The following MTERF1 variants were observed in gnomAD, a reference collection of about 807,000 sequenced individuals.
MTERF1 encodes the protein mitochondrial transcription termination factor 1, also known as transcription termination factor 1, mitochondrial.
In MTERF1, 29 loss-of-function variants were observed where a neutral mutation model predicts 31.6. The ratio of observed to expected loss-of-function variants is 0.92; its 90% CI spans 0.68 to 1.25. The LOEUF (loss-of-function observed/expected upper bound fraction) is 1.25, where lower values mean the gene tolerates loss of function less well. Among genes scored for constraint, MTERF1 ranks in the 50% most tolerant of loss-of-function variants. The pLI is 0.00. For synonymous variants in MTERF1, 152 were observed against 164.1 expected, an observed-to-expected ratio of 0.93 and a Z score of 0.57; for missense variants, 500 against 469.1, an observed-to-expected ratio of 1.07 and a Z score of -0.61.
intron 2 of MTERF1, among the ~76,000 whole-genome samples, chr7:91,877,178 C>CAAAAAAA (rs1159385616): frequency 6.6e-6 from 1 of 152,102 alleles, no homozygotes; most frequent in African/African-American, 2.4e-5. Context: ...TGTACACAAT[C>CAAAAAAA]AAAAAAGTGT....
chr7:91,880,037 T>C lies in MTERF1; in HGVS notation c.29+18A>G. Reference sequence around the variant, plus strand: ...ATACAGCAAGCTAAGTTTGGAGATCTTTACATGCATTTCTCACCTTGTTTG... The same window carrying C: ...ATACAGCAAGCTAAGTTTGGAGATCCTTACATGCATTTCTCACCTTGTTTG... On this transcript the variant is annotated intron_variant, in intron 2 of 2. Transcript: ENST00000351870. The C allele has an allele frequency of 2.5e-6, 4 of 1,613,926 alleles. No individual in the cohort carries two copies. Among genetic ancestry groups the C allele is most frequent in the Non-Finnish European group, 3.4e-6 (4 of 1,179,934 alleles).
At chr7:91,876,962 AATCAG>A in intron 2 of MTERF1, 1 of 984,830 alleles carries the variant, frequency 1.0e-6, no homozygotes, top group Non-Finnish European at 1.2e-6. Flanking sequence ...GTCAGCTGGA[AATCAG>A]ATCAGTACTT....
At chr7:91,879,995 C>T in intron 2 of MTERF1, 60 bp downstream of exon 2, 1 of 1,591,428 alleles carries the variant, frequency 6.3e-7, no homozygotes, top group Non-Finnish European at 8.6e-7. Context: ...TACCACATTC[C>T]AGCTGGTCTT....
intron 2 of MTERF1, among the ~76,000 whole-genome samples, chr7:91,875,119 A>C (rs1318687006): frequency 6.6e-6 from 1 of 152,192 alleles, no homozygotes; most frequent in Non-Finnish European, 1.5e-5. Context: ...TAACCTAAAG[A>C]AAAGCAGGTG....
intron 2 of MTERF1, chr7:91,876,966 A>C: frequency 1.0e-6 from 1 of 984,244 alleles, no homozygotes; most frequent in Non-Finnish European, 1.2e-6. Context: ...GCTGGAAATC[A>C]GATCAGTACT....
At position 91,873,795 on chromosome 7, in the gene MTERF1, G is replaced by C. The variant is rs1465245178; in HGVS notation, c.999C>G (p.Asp333Glu). The C allele has an allele frequency of 6.2e-7, 1 of 1,614,126 alleles. No individual in the cohort carries two copies. ...TGCTAATGTTTTCTTCCATGAGGCAGTCTATTTTATCATTAAACTTTTTCT... is the reference window on the plus strand; with the variant it reads ...TGCTAATGTTTTCTTCCATGAGGCACTCTATTTTATCATTAAACTTTTTCT... Reference protein sequence around the residue: ...LAEKKFNDKIDCLMEENISIS... With the variant: ...LAEKKFNDKIECLMEENISIS... The change falls in exon 3 of 3, where the codon GAC becomes GAG. Residue 333 changes from aspartate to glutamate, a missense_variant. Coordinates refer to ENST00000351870, the MANE Select transcript of MTERF1 (RefSeq NM_006980.5).
rs1789283425 is a variant in MTERF1 at position 91,874,366 on chromosome 7, C to T, written c.428G>A (p.Trp143Ter). ...TGTCACAATCTTTCTCCACAGATCC[C>T]ACCGTTTTGAAAGATTCTCGGGAGT... is the stretch of plus-strand genomic sequence containing the variant. Reference protein sequence around the residue: ...TRTPENLSKRWDLWRKIVTSD... With the variant: ...TRTPENLSKR The change falls in exon 3 of 3, where the codon TGG (tryptophan) becomes TAG (stop). Residue 143 changes from tryptophan (W) to a stop codon, truncating the protein, a stop_gained. Transcript: ENST00000351870. LOFTEE classifies it high-confidence loss of function. The T allele has an allele frequency of 6.2e-7, 1 of 1,613,942 alleles. No homozygotes were observed. Among genetic ancestry groups the T allele is most frequent in the Non-Finnish European group, 8.5e-7 (1 of 1,180,030 alleles).
At chr7:91,880,292 T>C (rs1789472431) in intron 1 of MTERF1, 179 bp from the exon 2 acceptor site, 3 of 561,948 alleles carry the variant, frequency 5.3e-6, no homozygotes, top group South Asian at 4.6e-5. Flanking sequence ...CATGCCTACA[T>C]ATGATGGGAA....
chr7:91,873,555 C>T lies in MTERF1; in HGVS notation c.*39G>A, dbSNP rs1011015201. ...AAAATTCTTTTGCAATGTGGCATAA[C>T]ATATTCACAGTTCCTGAGAATTAAA... On this transcript the variant is annotated 3_prime_UTR_variant, in exon 3 of 3. Coordinates refer to ENST00000351870, the MANE Select transcript of MTERF1 (RefSeq NM_006980.5). 6.7e-6 allele frequency: 10 copies of T among 1,502,540 alleles called. No individual in the cohort carries two copies. The highest frequency in any genetic ancestry group is 2.1e-5 in the Admixed American group (1 of 46,704). 93.1% of individuals were successfully genotyped at this position (1,502,540 alleles called of 1,614,324 possible).
chr7:91,880,209 T>G, intron 1 of MTERF1, 96 bp from the exon 2 acceptor site: 1 of 1,026,576 alleles, frequency 9.7e-7, no homozygotes, highest in East Asian at 2.4e-5. Flanking sequence ...TCTCGTTGCA[T>G]TATGTTCTCG....
intron 2 of MTERF1, 34 bp downstream of exon 2, chr7:91,880,021 G>A (rs1420944263): frequency 6.2e-7 from 1 of 1,612,568 alleles, no homozygotes. Flanking sequence ...GATACAGCAA[G>A]CTAAGTTTGG....
chr7:91,879,990 C>T, intron 2 of MTERF1, 65 bp downstream of exon 2: 1 of 1,585,640 alleles, frequency 6.3e-7, no homozygotes, highest in East Asian at 2.2e-5. Context: ...TAAAATACCA[C>T]ATTCCAGCTG....
chr7:91,874,149 A>T lies in MTERF1; in HGVS notation c.645T>A (p.Val215=), dbSNP rs756927701. ...SNSLDLNKQM[V]EFLQAAGLSL... Reference sequence around the variant, plus strand: ...ACAAACCGGCTGCCTGCAAAAATTCAACCATCTGTTTATTCAGATCAAGAC... The same window carrying T: ...ACAAACCGGCTGCCTGCAAAAATTCTACCATCTGTTTATTCAGATCAAGAC... The change falls in exon 3 of 3, where the codon GTT becomes GTA. Residue 215 remains valine (V), a synonymous_variant. Transcript: ENST00000351870. 5 of 1,614,056 alleles carry T rather than the reference A, an allele frequency of 3.1e-6. No individual in the cohort carries two copies. In the African/African-American group the frequency reaches 6.7e-5, roughly 22 times the overall value.
At chr7:91,880,254 A>C in intron 1 of MTERF1, 141 bp from the exon 2 acceptor site, 1 of 647,426 alleles carries the variant, frequency 1.5e-6, no homozygotes, top group South Asian at 2.0e-5. Context: ...AACATTTCTC[A>C]GACATACAGA....
In MTERF1 at chr7:91,873,964, G is replaced by A; in HGVS notation, c.830C>T (p.Pro277Leu). The A allele has an allele frequency of 1.9e-6, 3 of 1,613,918 alleles. No individual in the cohort carries two copies. The highest frequency in any genetic ancestry group is 1.3e-5 in the African/African-American group (1 of 74,996). Residue 277 changes from proline to leucine, a missense_variant, in exon 3 of 3, where the codon CCA becomes CTA. By Grantham distance (98) the Pro-to-Leu change is moderately conservative. Transcript: ENST00000351870. ...GGAAAGGTCTAGGATTTCAGCTCCT[G>A]GACCACATATCAGAACCAGCAGTTC... ...SEELLVLICG[P>L]GAEILDLSND...
In MTERF1 at chr7:91,872,807, T is replaced by C. The variant is rs1483364589; in HGVS notation, c.*787A>G. On this transcript the variant is annotated 3_prime_UTR_variant, in exon 3 of 3. Transcript: ENST00000351870. Reference sequence around the variant, plus strand: ...ATTATCTGATTTGCCATTTTTTAAGTCAATGCCTCTGAAAATTACTCTTTA... The same window carrying C: ...ATTATCTGATTTGCCATTTTTTAAGCCAATGCCTCTGAAAATTACTCTTTA... The C allele has an allele frequency of 2.6e-5, 4 of 152,160 alleles. No homozygotes were observed. Among genetic ancestry groups the C allele is most frequent in the African/African-American group, 9.7e-5 (4 of 41,442 alleles). 9.4% of individuals were successfully genotyped at this position (152,160 alleles called of 1,614,324 possible). A position where few individuals can be genotyped will look rare whatever the true frequency, so the allele number is the denominator to read the frequency against.
Position 91,874,370 on chromosome 7 carries a change from G to A in MTERF1, c.424C>T (p.Arg142Trp), listed in dbSNP as rs757536971. 1.9e-5 allele frequency: 31 copies of A among 1,613,910 alleles called. No individual in the cohort carries two copies. Among genetic ancestry groups the A allele is most frequent in the Admixed American group, 1.3e-4 (8 of 59,996 alleles). The change falls in exon 3 of 3, where the codon CGG becomes TGG. Residue 142 changes from arginine (R) to tryptophan (W), a missense_variant. By Grantham distance (101) the Arg-to-Trp change is moderately radical. Transcript: ENST00000351870. ...ACAATCTTTCTCCACAGATCCCACC[G>A]TTTTGAAAGATTCTCGGGAGTACGT... Reference protein sequence around the residue: ...ITRTPENLSKRWDLWRKIVTS... With the variant: ...ITRTPENLSKWWDLWRKIVTS...
At chr7:91,876,053 G>A (rs1359017871) in intron 2 of MTERF1, among the ~76,000 whole-genome samples, 1 of 152,162 alleles carries the variant, frequency 6.6e-6, no homozygotes, top group South Asian at 2.1e-4. Flanking sequence ...GTTTGCATCT[G>A]TTACACAACA....
At position 91,872,291 on chromosome 7, in the gene MTERF1, A is replaced by G. The variant is rs985474669; in HGVS notation, c.*1303T>C. ...CTTTTTAAAATACTATCTTTTTATT[A>G]TAGCTATCACTGATTGCATCATTAC... On this transcript the variant is annotated 3_prime_UTR_variant, in exon 3 of 3. Coordinates refer to ENST00000351870, the MANE Select transcript of MTERF1 (RefSeq NM_006980.5). 1 of 152,242 alleles carries G rather than the reference A, an allele frequency of 6.6e-6. No homozygotes were observed. The highest frequency in any genetic ancestry group is 3.2e-3 in the Middle Eastern group (1 of 316). 9.4% of individuals were successfully genotyped at this position (152,242 alleles called of 1,614,324 possible).
Sources: allele counts gnomAD v4.1 joint callset (sites outside exome capture counted in the v4.1 genomes callset), GRCh38; gene constraint gnomAD v4.1.1; transcripts MANE v1.5; gene names NCBI Gene and HGNC (gene_info 2026-07-23, HGNC 2026-07-21).